The following ZNF267 variants were observed in gnomAD, a reference collection of about 807,000 sequenced individuals.
The protein encoded by ZNF267 is zinc finger protein 267, also known as zinc finger (C2H2).
In ZNF267, 61 loss-of-function variants were observed where a neutral mutation model predicts 71.6. The ratio of observed to expected loss-of-function variants is 0.85; its 90% confidence interval spans 0.69 to 1.05. The LOEUF (loss-of-function observed/expected upper bound fraction) is 1.05. Ranked by LOEUF, ZNF267 falls within the 50% of genes least tolerant of loss-of-function variation. ZNF267 has a pLI of 0.00. For missense variants in ZNF267, 852 were observed against 870.0 expected (o/e 0.98, Z 0.26); for synonymous variants, 288 against 293.2 (o/e 0.98, Z 0.18).
In ZNF267 at chr16:31,916,291, G is replaced by C. The variant is rs1266709524; in HGVS notation, c.2042G>C (p.Arg681Thr). ...SRSYLTTHRRRHTGERPYKCD... is the reference protein window; with the variant it reads ...SRSYLTTHRRTHTGERPYKCD... ...TCATACCTCACTACACATCGGAGAA[G>C]ACATACTGGAGAGAGACCCTACAAA... The change falls in exon 4 of 4, where the codon AGA (arginine) becomes ACA (threonine). Residue 681 changes from arginine (R) to threonine (T), a missense_variant. Physicochemically the swap from Arg to Thr is moderately conservative, Grantham distance 71. Coordinates refer to ENST00000300870, the MANE Select transcript of ZNF267 (RefSeq NM_003414.6). The C allele has an allele frequency of 6.2e-7, 1 of 1,613,822 alleles. No individual in the cohort carries two copies. The highest frequency in any genetic ancestry group is 8.5e-7 in the Non-Finnish European group (1 of 1,179,928).
chr16:31,896,688 A>G (rs1442480633), intron 3 of ZNF267, among the ~76,000 whole-genome samples: 1 of 152,044 alleles, frequency 6.6e-6, no homozygotes, highest in Non-Finnish European at 1.5e-5. Context: ...CTTTGTCGTA[A>G]ATTTTGACGT....
At position 31,914,630 on chromosome 16, in the gene ZNF267, A is replaced by G. The variant is rs1303609132; in HGVS notation, c.381A>G (p.Gly127=). 1.2e-5 allele frequency: 19 copies of G among 1,613,970 alleles called. No homozygotes were observed. The highest frequency in any genetic ancestry group is 1.5e-5 in the Non-Finnish European group (18 of 1,180,008). Residue 127 remains glycine (G), a synonymous_variant, in exon 4 of 4, where the codon GGA becomes GGG. Coordinates refer to ENST00000300870, the MANE Select transcript of ZNF267 (RefSeq NM_003414.6). ...WKREECEGHN[G]CYDEKTFKYD... is the part of the protein sequence containing the mutation. ...GGGAGGAGTGTGAAGGGCACAATGG[A>G]TGTTATGATGAAAAGACTTTTAAAT...
chr16:31,875,538 G>T (rs1324778406), intron 1 of ZNF267, among the ~76,000 whole-genome samples: 1 of 152,162 alleles, frequency 6.6e-6, no homozygotes, highest in Non-Finnish European at 1.5e-5. Flanking sequence ...TGTGAAGGGA[G>T]AAAAACTCCC....
intron 3 of ZNF267, among the ~76,000 whole-genome samples, chr16:31,898,297 TTTC>T (rs1193418596): frequency 6.6e-6 from 1 of 152,150 alleles, no homozygotes; most frequent in East Asian, 1.9e-4. Context: ...TTGCATTTAA[TTTC>T]TTTTTTCCAT....
chr16:31,882,727 C>T (rs1477082504), intron 1 of ZNF267, among the ~76,000 whole-genome samples: 1 of 152,168 alleles, frequency 6.6e-6, no homozygotes, highest in Non-Finnish European at 1.5e-5. Flanking sequence ...TCCCCTCCGC[C>T]CATATCACAG....
intron 3 of ZNF267, among the ~76,000 whole-genome samples, chr16:31,903,696 T>G (rs938216723): frequency 6.6e-6 from 1 of 152,168 alleles, no homozygotes; most frequent in Non-Finnish European, 1.5e-5. Flanking sequence ...TTATTAGTCT[T>G]GCTATGGGTC....
Position 31,914,911 on chromosome 16 carries a change from C to A in ZNF267, c.662C>A (p.Ser221Tyr). The A allele has an allele frequency of 6.2e-7, 1 of 1,612,050 alleles. No homozygotes were observed. Among genetic ancestry groups the A allele is most frequent in the Non-Finnish European group, 8.5e-7 (1 of 1,179,478 alleles). Residue 221 changes from serine to tyrosine, a missense_variant, in exon 4 of 4, where the codon TCT (serine) becomes TAT (tyrosine). Coordinates refer to ENST00000300870, the MANE Select transcript of ZNF267 (RefSeq NM_003414.6). The part of the protein sequence containing the change: ...IGEKNYHCNN[S>Y]EKTLNQSSSP... ...GAGAAAAATTATCATTGCAATAATT[C>A]TGAAAAAACCTTGAACCAAAGCTCA...
At chr16:31,880,140 A>T (rs1405594343) in intron 1 of ZNF267, among the ~76,000 whole-genome samples, 1 of 152,190 alleles carries the variant, frequency 6.6e-6, no homozygotes, top group East Asian at 1.9e-4. Flanking sequence ...TGGACTCAGG[A>T]TATATAGAAA....
intron 3 of ZNF267, among the ~76,000 whole-genome samples, chr16:31,911,197 T>C (rs1261051473): frequency 6.6e-6 from 1 of 151,690 alleles, no homozygotes; most frequent in East Asian, 1.9e-4. Context: ...TAGGTATATT[T>C]GGTTTATAGC....
chr16:31,873,994 C>T (rs1249153309), intron 1 of ZNF267, 25 bp downstream of exon 1: 1 of 1,606,884 alleles, frequency 6.2e-7, no homozygotes, highest in Non-Finnish European at 8.5e-7. Flanking sequence ...TCGGGGGTCC[C>T]CAGAGGGAGG....
chr16:31,900,774 T>A (rs919836057), intron 3 of ZNF267, among the ~76,000 whole-genome samples: 3 of 148,774 alleles, frequency 2.0e-5, no homozygotes, highest in Middle Eastern at 3.4e-3. Context: ...TTTTTTTTTT[T>A]AATTTTTAAC....
At chr16:31,882,258 A>G (rs1400205100) in intron 1 of ZNF267, among the ~76,000 whole-genome samples, 1 of 152,240 alleles carries the variant, frequency 6.6e-6, no homozygotes, top group South Asian at 2.1e-4. Context: ...TGACTTAGAC[A>G]TAACTGTCTT....
Position 31,873,906 on chromosome 16 carries a change from G to A in ZNF267, c.-61G>A. The A allele has an allele frequency of 6.2e-7, 1 of 1,612,618 alleles. No homozygotes were observed. The highest frequency in any genetic ancestry group is 2.2e-5 in the East Asian group (1 of 44,840). On this transcript the variant is annotated 5_prime_UTR_variant, in exon 1 of 4. Coordinates refer to ENST00000300870, the MANE Select transcript of ZNF267 (RefSeq NM_003414.6). The stretch of plus-strand genomic sequence containing the variant: ...GAATAAACAGAACCTCTGTTGCTCT[G>A]CGACTTGCAGGCACTGGGAGATTCG...
intron 1 of ZNF267, among the ~76,000 whole-genome samples, chr16:31,879,591 G>T (rs1425360666): frequency 2.0e-5 from 3 of 152,102 alleles, no homozygotes; most frequent in African/African-American, 7.2e-5. Context: ...TTTGATTTCT[G>T]TTCACAACCC....
At chr16:31,902,825 C>G (rs2084052840) in intron 3 of ZNF267, among the ~76,000 whole-genome samples, 1 of 152,182 alleles carries the variant, frequency 6.6e-6, no homozygotes, top group African/African-American at 2.4e-5. Flanking sequence ...ACTTCCAACA[C>G]TATGTTGAAT....
At chr16:31,884,711 G>C in intron 2 of ZNF267, 87 bp downstream of exon 2, 1 of 1,379,116 alleles carries the variant, frequency 7.3e-7, no homozygotes. Context: ...TGCTTTGTAT[G>C]AGTTAGTTTT....
intron 1 of ZNF267, chr16:31,875,144 CTT>C: frequency 7.8e-7 from 1 of 1,289,178 alleles, no homozygotes; most frequent in Non-Finnish European, 1.0e-6. Flanking sequence ...GCTTTGGAAA[CTT>C]TACAGGGCCC....
intron 3 of ZNF267, among the ~76,000 whole-genome samples, chr16:31,900,266 G>A (rs957644205): frequency 3.3e-5 from 5 of 151,710 alleles, no homozygotes; most frequent in East Asian, 3.9e-4. Context: ...CAATAATACC[G>A]AATACTTTAT....
At chr16:31,899,377 C>G (rs369767865) in intron 3 of ZNF267, among the ~76,000 whole-genome samples, 3 of 152,322 alleles carry the variant, frequency 2.0e-5, no homozygotes, top group East Asian at 1.9e-4. Context: ...GGTTAAGACT[C>G]TCACTCAAAA....
Sources: gnomAD v4.1 joint callset for allele counts (sites outside exome capture counted in the v4.1 genomes callset) on GRCh38, gnomAD v4.1.1 for gene constraint, MANE v1.5 for transcripts, NCBI Gene and HGNC (gene_info 2026-07-23, HGNC 2026-07-21) for gene names.